ALDH1A2: variants seen among roughly 807,000 people sequenced by gnomAD.
ALDH1A2 encodes retinal dehydrogenase 2.
In ALDH1A2, 27 loss-of-function variants were observed where a neutral mutation model predicts 60.3. The observed-to-expected ratio is 0.45, with a 90% CI of 0.33 to 0.62. The LOEUF (loss-of-function observed/expected upper bound fraction) is 0.62, where lower values mean the gene tolerates loss of function less well. Ranked by LOEUF, ALDH1A2 falls within the 20% of genes least tolerant of loss-of-function variation. ALDH1A2 has a pLI of 0.02. For synonymous variants in ALDH1A2, 289 were observed against 232.4 expected, an observed-to-expected ratio of 1.24 and a Z score of -2.21; for missense variants, 581 against 643.8, an observed-to-expected ratio of 0.90 and a Z score of 1.06.
In ALDH1A2 at chr15:57,958,715, T is replaced by TG. The variant is rs1487783150; in HGVS notation, c.1484+2054dup. Reference sequence around the variant, plus strand: ...GTTTCTGAGGCTGTATCAAATGAGGTGGAAGAGTTGGGGACCAAGACAGAG... The same window carrying TG: ...GTTTCTGAGGCTGTATCAAATGAGGTGGGAAGAGTTGGGGACCAAGACAGAG... On this transcript the variant is annotated intron_variant, in intron 12 of 12. Coordinates refer to ENST00000249750, the MANE Select transcript of ALDH1A2 (RefSeq NM_003888.4). Among the ~76,000 whole-genome samples the TG allele has an allele frequency of 1.6e-4, 25 of 152,212 alleles. 1 individual carries two copies. In the South Asian group the frequency reaches 5.0e-3, roughly 30 times the overall value.
rs1358251490 is a variant in ALDH1A2 at position 58,038,752 on chromosome 15, G to A, written c.118-24471C>T. 2.0e-5 allele frequency among the ~76,000 whole-genome samples: 3 copies of A among 151,748 alleles called. No individual in the cohort carries two copies. In the East Asian group the frequency reaches 5.8e-4, roughly 29 times the overall value. On this transcript the variant is annotated intron_variant, in intron 1 of 12. Transcript: ENST00000249750. ...ATTGTGGTAGAAGGCAATGGGAATTGCTACTGGTAATGGTTAATGTTCATT... is the reference window on the plus strand; with the variant it reads ...ATTGTGGTAGAAGGCAATGGGAATTACTACTGGTAATGGTTAATGTTCATT...
chr15:57,976,392 C>T (rs182628471), intron 7 of ALDH1A2, among the ~76,000 whole-genome samples: 210 of 152,280 alleles, frequency 1.4e-3, no homozygotes, highest in African/African-American at 4.8e-3. Context: ...CCATCATCTA[C>T]ATTAGCTATT....
chr15:58,038,017 C>A (rs1314484166), intron 1 of ALDH1A2, among the ~76,000 whole-genome samples: 1 of 151,446 alleles, frequency 6.6e-6, no homozygotes, highest in African/African-American at 2.4e-5. Flanking sequence ...CCTTCCCCTT[C>A]TTTTTTTCTC....
chr15:57,962,519 A>G (rs1377989264), intron 9 of ALDH1A2, among the ~76,000 whole-genome samples: 1 of 152,232 alleles, frequency 6.6e-6, no homozygotes, highest in African/African-American at 2.4e-5. Context: ...TTTTATAATT[A>G]AATGAGTAAC....
At chr15:58,000,706 C>G (rs1895236140) in intron 4 of ALDH1A2, among the ~76,000 whole-genome samples, 1 of 151,818 alleles carries the variant, frequency 6.6e-6, no homozygotes, top group African/African-American at 2.4e-5. Context: ...TATGGTGATT[C>G]TCAAACTTGA....
In ALDH1A2 at chr15:58,017,863, G is replaced by C. The variant is rs1405946771; in HGVS notation, c.118-3582C>G. Among the ~76,000 whole-genome samples the C allele has an allele frequency of 4.6e-5, 7 of 152,006 alleles. No individual in the cohort carries two copies. In the East Asian group the frequency reaches 7.7e-4, roughly 17 times the overall value. Reference sequence around the variant, plus strand: ...TTGAAACCAGATGGTAAATGTGATGGCTATTTTTCCTGGTGTGCCAAAATT... The same window carrying C: ...TTGAAACCAGATGGTAAATGTGATGCCTATTTTTCCTGGTGTGCCAAAATT... On this transcript the variant is annotated intron_variant, in intron 1 of 12. Coordinates refer to ENST00000249750, the MANE Select transcript of ALDH1A2 (RefSeq NM_003888.4).
chr15:57,987,757 T>G (rs1178517852), intron 7 of ALDH1A2, among the ~76,000 whole-genome samples: 1 of 151,228 alleles, frequency 6.6e-6, no homozygotes, highest in Non-Finnish European at 1.5e-5. Flanking sequence ...TGGTAGCGGG[T>G]GCCTGTAGTC....
chr15:57,963,441 G>A lies in ALDH1A2; in HGVS notation c.1086+444C>T, dbSNP rs1477888361. ...TGTAAGCTCCATCTCCCGGGTTCAC[G>A]CCATTCTCCTACCTCAGCCTCCCGA... On this transcript the variant is annotated intron_variant, in intron 9 of 12. Coordinates refer to ENST00000249750, the MANE Select transcript of ALDH1A2 (RefSeq NM_003888.4). Among the ~76,000 whole-genome samples the A allele has an allele frequency of 4.7e-5, 7 of 150,218 alleles. No individual in the cohort carries two copies. The East Asian group carries it at 5.9e-4, about 13-fold the overall frequency.
In ALDH1A2 at chr15:58,017,627, T is replaced by C. The variant is rs139279973; in HGVS notation, c.118-3346A>G. Among the ~76,000 whole-genome samples, 771 of 152,244 alleles carry C rather than the reference T, an allele frequency of 5.1e-3. 6 individuals carry two copies. Among genetic ancestry groups the C allele is most frequent in the African/African-American group, 0.017 (717 of 41,558 alleles). The stretch of plus-strand genomic sequence containing the variant: ...GCCAGTATTTACGAGATGATAATGT[T>C]CTAGGTTCATATACGACAGCTCATG... On this transcript the variant is annotated intron_variant, in intron 1 of 12. Transcript: ENST00000249750.
Position 57,958,214 on chromosome 15 carries a change from G to GCACACACACACACACACA in ALDH1A2, c.1484+2555_1484+2556insTGTGTGTGTGTGTGTGTG, listed in dbSNP as rs113322985. Among the ~76,000 whole-genome samples, 221 of 151,810 alleles carry GCACACACACACACACACA rather than the reference G, an allele frequency of 1.5e-3. 1 individual carries two copies. The highest frequency in any genetic ancestry group is 7.1e-3 in the South Asian group (34 of 4,812). On this transcript the variant is annotated intron_variant, in intron 12 of 12. Transcript: ENST00000249750. ...TCTGTATGCATGCGTGTACACGCAC[G>GCACACACACACACACACA]CACACACACACATAAATTTGACAAG...
intron 1 of ALDH1A2, among the ~76,000 whole-genome samples, chr15:58,021,316 T>C (rs1350763626): frequency 6.6e-6 from 1 of 152,130 alleles, no homozygotes; most frequent in Non-Finnish European, 1.5e-5. Flanking sequence ...TTCAAATATA[T>C]TATCCAAGAG....
At chr15:58,038,558 T>G (rs1896434581) in intron 1 of ALDH1A2, 1 of 151,738 alleles carries the variant, frequency 6.6e-6, no homozygotes, top group African/African-American at 2.4e-5. Context: ...GACATCTGTT[T>G]TAGGAAAAAC....
chr15:58,023,208 A>G (rs1379710013), intron 1 of ALDH1A2, among the ~76,000 whole-genome samples: 1 of 152,220 alleles, frequency 6.6e-6, no homozygotes, highest in African/African-American at 2.4e-5. Context: ...AAATGCATTT[A>G]AAATCTTAGA....
At chr15:57,956,812 C>CA (rs1596061184) in intron 12 of ALDH1A2, among the ~76,000 whole-genome samples, 1 of 152,170 alleles carries the variant, frequency 6.6e-6, no homozygotes, top group Non-Finnish European at 1.5e-5. Flanking sequence ...CTGGCTTCTG[C>CA]ACGCACTTGT....
intron 4 of ALDH1A2, among the ~76,000 whole-genome samples, chr15:57,998,288 A>G (rs927020483): frequency 2.6e-5 from 4 of 152,250 alleles, no homozygotes; most frequent in Non-Finnish European, 4.4e-5. Flanking sequence ...ACATGGTCCT[A>G]TATCTAGAAA....
chr15:57,964,090 G>T, intron 8 of ALDH1A2, 21 bp from the exon 9 acceptor site: 1 of 1,613,604 alleles, frequency 6.2e-7, no homozygotes, highest in Non-Finnish European at 8.5e-7. Flanking sequence ...AAACAGCCAT[G>T]TTCTCACCGC....
At chr15:58,061,922 A>G (rs369335685) in intron 1 of ALDH1A2, among the ~76,000 whole-genome samples, 19 of 152,282 alleles carry the variant, frequency 1.2e-4, no homozygotes, top group African/African-American at 3.9e-4. Context: ...TTGGCACACA[A>G]ACTTTTTAAT....
chr15:58,001,034 T>TAAAAAAAAAAAAA (rs10641902), intron 4 of ALDH1A2, among the ~76,000 whole-genome samples: 4 of 126,228 alleles, frequency 3.2e-5, no homozygotes, highest in Non-Finnish European at 4.9e-5. Flanking sequence ...TCAAAATTGT[T>TAAAAAAAAAAAAA]AAAAAAAAAA....
intron 1 of ALDH1A2, among the ~76,000 whole-genome samples, chr15:58,062,142 A>T (rs1308973283): frequency 3.3e-5 from 5 of 152,112 alleles, no homozygotes; most frequent in Non-Finnish European, 5.9e-5. Context: ...TGCCTCTTCT[A>T]TTTTAGCAGG....
Sources: allele counts gnomAD v4.1 joint callset (sites outside exome capture counted in the v4.1 genomes callset), GRCh38; gene constraint gnomAD v4.1.1; transcripts MANE v1.5; gene names NCBI Gene and HGNC (gene_info 2026-07-23, HGNC 2026-07-21).